RTN4: variants seen among roughly 807,000 people sequenced by gnomAD.
RTN4 encodes reticulon-4.
In RTN4, 32 loss-of-function variants were observed where a neutral mutation model predicts 90.4. That is an observed-to-expected ratio of 0.35 (90% CI 0.27 to 0.48). RTN4 has a LOEUF of 0.48. Among genes scored for constraint, RTN4 ranks in the 20% least tolerant of loss-of-function variants. The probability of loss-of-function intolerance (pLI) is 0.99; values close to 1 mark genes in which losing one functional copy is unlikely to be tolerated. For missense variants in RTN4, 1,706 were observed against 1,430.2 expected (o/e 1.19, Z -3.11); for synonymous variants, 629 against 552.5 (o/e 1.14, Z -1.94).
At position 55,027,005 on chromosome 2, in the gene RTN4, G is replaced by A. The variant is rs1315346778; in HGVS notation, c.1094C>T (p.Ala365Val). The A allele has an allele frequency of 1.2e-6, 2 of 1,613,406 alleles. No individual in the cohort carries two copies. The highest frequency in any genetic ancestry group is 4.5e-5 in the East Asian group (2 of 44,864). ...KEDEVVSSEKAKDSFNEKRVA... is the reference protein window; with the variant it reads ...KEDEVVSSEKVKDSFNEKRVA... ...TCTCTTTTCATTAAAACTGTCTTTT[G>A]CTTTTTCTGAAGACACAACTTCATC... The change falls in exon 3 of 9, where the codon GCA (alanine) becomes GTA (valine). Residue 365 changes from alanine to valine, a missense_variant. Transcript: ENST00000337526.
intron 2 of RTN4, among the ~76,000 whole-genome samples, chr2:55,075,936 A>G (rs1293967066): frequency 3.9e-5 from 6 of 152,246 alleles, no homozygotes; most frequent in Admixed American, 3.9e-4. Context: ...ACAAAACTCA[A>G]GATGGATTAC....
At chr2:55,037,272 T>C (rs1244440511) in intron 1 of RTN4, among the ~76,000 whole-genome samples, 1 of 152,230 alleles carries the variant, frequency 6.6e-6, no homozygotes, top group Admixed American at 6.5e-5. Flanking sequence ...TTGAAAGATA[T>C]AATATTGTTG....
chr2:55,132,756 G>A, the RTN4 span, among the ~76,000 whole-genome samples: 1 of 147,096 alleles, frequency 6.8e-6, no homozygotes, highest in Admixed American at 6.8e-5. Flanking sequence ...GGAGGCTACA[G>A]TGAACCGAGG....
intron 3 of RTN4, among the ~76,000 whole-genome samples, chr2:55,014,092 G>C (rs1312676276): frequency 1.3e-5 from 2 of 152,156 alleles, no homozygotes; most frequent in Non-Finnish European, 2.9e-5. Context: ...ACTGAAAGGA[G>C]TTAATTTTTA....
At chr2:55,082,790 C>G (rs1003278058) in intron 1 of RTN4, among the ~76,000 whole-genome samples, 1 of 152,154 alleles carries the variant, frequency 6.6e-6, no homozygotes, top group African/African-American at 2.4e-5. Flanking sequence ...TATGTGTTAT[C>G]TCACTTAATC....
intron 1 of RTN4, among the ~76,000 whole-genome samples, chr2:55,102,566 T>C (rs1258582402): frequency 6.6e-6 from 1 of 152,104 alleles, no homozygotes. Context: ...AAATTCGTCC[T>C]TAGTTGGCAG....
chr2:55,001,536 C>A (rs901597210), intron 3 of RTN4, among the ~76,000 whole-genome samples: 2 of 152,182 alleles, frequency 1.3e-5, no homozygotes, highest in African/African-American at 4.8e-5. Context: ...TCATAAATAT[C>A]CCTTACTGTT....
intron 1 of RTN4, among the ~76,000 whole-genome samples, chr2:55,091,026 C>T (rs1317751597): frequency 1.3e-5 from 2 of 152,206 alleles, no homozygotes; most frequent in Non-Finnish European, 2.9e-5. Context: ...GTCTCAGCCA[C>T]CAGTCCTCAA....
At chr2:55,057,591 C>G (rs977920410) in intron 2 of RTN4, among the ~76,000 whole-genome samples, 28 of 152,148 alleles carry the variant, frequency 1.8e-4, no homozygotes, top group Admixed American at 1.8e-3. Context: ...GCAATTAAGA[C>G]TTGATAAGTC....
chr2:55,084,418 G>C (rs73936829), intron 1 of RTN4, among the ~76,000 whole-genome samples: 14,012 of 151,688 alleles, frequency 0.092, 804 homozygotes, highest in South Asian at 0.19. Context: ...TGGGATTACA[G>C]GTGTGAGCCA....
chr2:55,126,133 G>C, the RTN4 span, among the ~76,000 whole-genome samples: 1 of 151,746 alleles, frequency 6.6e-6, no homozygotes, highest in African/African-American at 2.4e-5. Flanking sequence ...GGAGGCCAAG[G>C]AGGGCAGATC....
Position 55,050,345 on chromosome 2 carries a change from G to C in RTN4, c.-45C>G, listed in dbSNP as rs767782967. ...TGCTGCAGCTGCTGCCGCCGCCGCC[G>C]GGGCCGCGTCTCAGAGCCGCGGGCG... On this transcript the variant is annotated 5_prime_UTR_variant, in exon 1 of 9. Coordinates refer to ENST00000337526, the MANE Select transcript of RTN4 (RefSeq NM_020532.5). This position sits in a 1 kb window ranked among gnomAD's most constrained non-coding sequence, Gnocchi z 4.6. 1.7e-5 allele frequency: 22 copies of C among 1,296,366 alleles called. No individual in the cohort carries two copies. The highest frequency in any genetic ancestry group is 2.2e-5 in the Non-Finnish European group (22 of 998,638). The allele number at this position is 1,296,366 out of a possible 1,614,324, so 80.3% of individuals were successfully genotyped here.
intron 3 of RTN4, among the ~76,000 whole-genome samples, chr2:55,020,272 C>T (rs974192773): frequency 1.4e-4 from 21 of 151,944 alleles, no homozygotes; most frequent in Admixed American, 7.2e-4. Flanking sequence ...ATAAAGCTGG[C>T]GGAATCACAC....
chr2:54,985,332 A>G (rs1678474002), intron 4 of RTN4, among the ~76,000 whole-genome samples: 1 of 151,394 alleles, frequency 6.6e-6, no homozygotes, highest in African/African-American at 2.4e-5. Flanking sequence ...GCTAATTTTT[A>G]ATTTTTTGTA....
chr2:55,061,313 C>T (rs6545470), intron 2 of RTN4, among the ~76,000 whole-genome samples: 23,425 of 152,124 alleles, frequency 0.15, 3,072 homozygotes, highest in African/African-American at 0.36. Flanking sequence ...ATCCACCCAC[C>T]ATGGCCTCCC....
At chr2:55,003,328 T>C (rs918877793) in intron 3 of RTN4, among the ~76,000 whole-genome samples, 1 of 152,216 alleles carries the variant, frequency 6.6e-6, no homozygotes. Context: ...GCTTTGAGCT[T>C]CATAAGAAAA....
intron 3 of RTN4, among the ~76,000 whole-genome samples, chr2:55,023,361 T>A (rs1681591015): frequency 6.6e-6 from 1 of 152,168 alleles, no homozygotes; most frequent in South Asian, 2.1e-4. Context: ...GTATTGCAGA[T>A]CTCTTCCACC....
At chr2:54,986,016 A>G (rs1447526107) in intron 4 of RTN4, among the ~76,000 whole-genome samples, 1 of 152,214 alleles carries the variant, frequency 6.6e-6, no homozygotes, top group East Asian at 1.9e-4. Flanking sequence ...GGTCAGGGTT[A>G]GGAAATTCTC....
chr2:55,091,150 G>C (rs566078949), intron 1 of RTN4, among the ~76,000 whole-genome samples: 1 of 152,328 alleles, frequency 6.6e-6, no homozygotes, highest in Non-Finnish European at 1.5e-5. Flanking sequence ...CAGCCAGAAA[G>C]GGGTGTGTCT....
Sources: gnomAD v4.1 joint callset for allele counts (sites outside exome capture counted in the v4.1 genomes callset) on GRCh38, gnomAD v4.1.1 for gene constraint, Gnocchi (gnomAD v3.1) non-coding constraint, MANE v1.5 for transcripts, NCBI Gene and HGNC (gene_info 2026-07-23, HGNC 2026-07-21) for gene names.